Variants in COP1 observed in about 807,000 individuals in gnomAD.
The protein encoded by COP1 is E3 ubiquitin-protein ligase COP1.
A neutral mutation model predicts 101.3 loss-of-function variants in COP1; 24 were observed. The observed-to-expected ratio is 0.24, with a 90% CI of 0.17 to 0.33. The LOEUF (loss-of-function observed/expected upper bound fraction) is 0.33, where lower values mean the gene tolerates loss of function less well. Ranked by LOEUF, COP1 falls within the 10% of genes least tolerant of loss-of-function variation. The pLI is 1.00. For missense variants in COP1, 663 were observed against 906.2 expected (o/e 0.73, Z 3.45); for synonymous variants, 347 against 341.9 (o/e 1.01, Z -0.17).
intron 18 of COP1, among the ~76,000 whole-genome samples, chr1:175,947,966 A>C (rs937862060): frequency 3.3e-5 from 5 of 152,210 alleles, no homozygotes; most frequent in Non-Finnish European, 7.4e-5. Flanking sequence ...AAACCTGCCA[A>C]CATCCTTGGC....
chr1:176,098,374 A>C (rs1308219067), intron 9 of COP1, among the ~76,000 whole-genome samples: 1 of 152,240 alleles, frequency 6.6e-6, no homozygotes. Context: ...GATTATAAGA[A>C]GGTGTGGAAA....
intron 16 of COP1, 125 bp downstream of exon 16, chr1:175,989,237 C>T: frequency 2.0e-6 from 1 of 505,236 alleles, no homozygotes; most frequent in Non-Finnish European, 3.6e-6. Flanking sequence ...AAAAAATCTA[C>T]TATTTAAGAA....
chr1:176,083,204 G>C (rs1488580178), intron 10 of COP1, among the ~76,000 whole-genome samples: 1 of 152,084 alleles, frequency 6.6e-6, no homozygotes, highest in African/African-American at 2.4e-5. Context: ...CTACATACTG[G>C]AAAGATGGTT....
Position 176,030,583 on chromosome 1 carries a change from A to G in COP1, c.1613-2895T>C, listed in dbSNP as rs986764394. Among the ~76,000 whole-genome samples, 7 of 152,338 alleles carry G rather than the reference A, an allele frequency of 4.6e-5. No homozygotes were observed. In the South Asian group the frequency reaches 1.4e-3, roughly 32 times the overall value. ...TTTTCTCAATGCAGTAATCATTAAT[A>G]TTATTTAAATAAGTCACAACATTAA... is the stretch of plus-strand genomic sequence containing the variant. On this transcript the variant is annotated intron_variant, in intron 14 of 19. Coordinates refer to ENST00000367669, the MANE Select transcript of COP1 (RefSeq NM_022457.7).
At chr1:176,046,578 A>T (rs1445861411) in intron 11 of COP1, among the ~76,000 whole-genome samples, 1 of 152,110 alleles carries the variant, frequency 6.6e-6, no homozygotes, top group Non-Finnish European at 1.5e-5. Context: ...GACACCTGAC[A>T]TGCTTTTCAT....
chr1:176,084,860 T>C (rs1297820643), intron 10 of COP1, among the ~76,000 whole-genome samples: 7 of 150,324 alleles, frequency 4.7e-5, no homozygotes, highest in Admixed American at 1.3e-4. Context: ...CTTTTTTTTT[T>C]CCCCCTTGGT....
intron 11 of COP1, among the ~76,000 whole-genome samples, chr1:176,073,959 GAC>G (rs200162912): frequency 0.01 from 1,549 of 152,258 alleles, 27 homozygotes; most frequent in African/African-American, 0.032. Context: ...CTTTGTTTGA[GAC>G]AGAGTCTCAT....
chr1:176,194,923 T>TG (rs1699493937), intron 1 of COP1, among the ~76,000 whole-genome samples: 1 of 143,890 alleles, frequency 6.9e-6, no homozygotes, highest in South Asian at 2.2e-4. Flanking sequence ...AAAATAAAAT[T>TG]AAAAAAAAAA....
intron 18 of COP1, among the ~76,000 whole-genome samples, chr1:175,974,539 CTG>C (rs2148633455): frequency 6.6e-6 from 1 of 152,002 alleles, no homozygotes; most frequent in East Asian, 1.9e-4. Flanking sequence ...AATGTTAAAA[CTG>C]TATGAAATAA....
intron 15 of COP1, among the ~76,000 whole-genome samples, chr1:176,016,725 A>G (rs1665715797): frequency 6.6e-6 from 1 of 152,148 alleles, no homozygotes; most frequent in Non-Finnish European, 1.5e-5. Flanking sequence ...CATTTTTATG[A>G]ATGACTCTTT....
chr1:175,947,164 G>C (rs199512898), intron 19 of COP1, 31 bp downstream of exon 19: 2 of 1,521,606 alleles, frequency 1.3e-6, no homozygotes, highest in Non-Finnish European at 1.8e-6. Context: ...ATGGGCCTGA[G>C]TTTAAAATGG....
At position 176,035,310 on chromosome 1, in the gene COP1, G is replaced by C. The variant is rs959371262; in HGVS notation, c.1613-7622C>G. Among the ~76,000 whole-genome samples the C allele has an allele frequency of 6.9e-4, 105 of 151,356 alleles. 1 individual carries two copies. The highest frequency in any genetic ancestry group is 7.4e-5 in the Non-Finnish European group (5 of 67,818). On this transcript the variant is annotated intron_variant, in intron 14 of 19. Transcript: ENST00000367669. The stretch of plus-strand genomic sequence containing the variant: ...TTTTTGCAAAATGGAGATGACAGAT[G>C]AAGGAATCATGAGCTAGAAGACAGA...
intron 14 of COP1, among the ~76,000 whole-genome samples, chr1:176,029,122 A>G (rs1278893559): frequency 6.6e-6 from 1 of 152,186 alleles, no homozygotes; most frequent in Non-Finnish European, 1.5e-5. Context: ...AAATGTACAC[A>G]AACATCTTTA....
chr1:175,952,593 T>C (rs1571229214), intron 18 of COP1, among the ~76,000 whole-genome samples: 2 of 151,842 alleles, frequency 1.3e-5, no homozygotes. Flanking sequence ...AGGAATATTA[T>C]ACTACATGAA....
intron 1 of COP1, among the ~76,000 whole-genome samples, chr1:176,188,849 A>G (rs1419180618): frequency 6.6e-6 from 1 of 151,664 alleles, no homozygotes; most frequent in African/African-American, 2.4e-5. Flanking sequence ...ACACACACAC[A>G]CACACACACA....
At chr1:175,987,584 T>G (rs555318857) in intron 17 of COP1, among the ~76,000 whole-genome samples, 2 of 152,320 alleles carry the variant, frequency 1.3e-5, no homozygotes, top group East Asian at 3.9e-4. Context: ...TTTCTCAGTA[T>G]AGGAATTATT....
At chr1:176,091,843 T>C (rs937376328) in intron 9 of COP1, among the ~76,000 whole-genome samples, 3 of 152,026 alleles carry the variant, frequency 2.0e-5, no homozygotes, top group Admixed American at 1.3e-4. Context: ...CAATCACTAA[T>C]AGAAATAGTG....
chr1:176,055,554 C>T (rs1196724364), intron 11 of COP1, among the ~76,000 whole-genome samples: 1 of 152,194 alleles, frequency 6.6e-6, no homozygotes, highest in East Asian at 1.9e-4. Context: ...GACTTTCAAT[C>T]TATATAGTAC....
chr1:176,190,212 T>G (rs1698972092), intron 1 of COP1, among the ~76,000 whole-genome samples: 1 of 152,100 alleles, frequency 6.6e-6, no homozygotes, highest in African/African-American at 2.4e-5. Context: ...ATATTCTTAC[T>G]GGTTCAGCAT....
Sources: allele counts gnomAD v4.1 joint callset (sites outside exome capture counted in the v4.1 genomes callset), GRCh38; gene constraint gnomAD v4.1.1; transcripts MANE v1.5; gene names NCBI Gene and HGNC (gene_info 2026-07-23, HGNC 2026-07-21).